Variants in CLEC2L observed in about 807,000 individuals in gnomAD.
The protein encoded by CLEC2L is C-type lectin domain family 2, member L.
A neutral mutation model predicts 23.6 loss-of-function variants in CLEC2L; 14 were observed. The observed-to-expected ratio is 0.59, with a 90% CI of 0.39 to 0.93. The LOEUF (loss-of-function observed/expected upper bound fraction) is 0.93, where lower values mean the gene tolerates loss of function less well. CLEC2L is among the 40% of genes least tolerant of loss of function. The pLI, the probability that CLEC2L is intolerant of heterozygous loss-of-function variation, is 0.00. For synonymous variants in CLEC2L, 114 were observed against 121.3 expected (o/e 0.94, Z 0.40); for missense variants, 264 against 282.4 (o/e 0.93, Z 0.47).
In CLEC2L at chr7:139,544,789, C is replaced by G. The variant is rs1341951172; in HGVS notation, c.*447C>G. On this transcript the variant is annotated 3_prime_UTR_variant, in exon 5 of 5. Transcript: ENST00000422142. ...TTCACCCAGCAGCCCCGCTTCCCCA[C>G]TGGTTTCTCTCCTGGCTGCCGGCGG... The G allele has an allele frequency of 6.5e-6, 1 of 153,210 alleles. No homozygotes were observed. The highest frequency in any genetic ancestry group is 1.5e-5 in the Non-Finnish European group (1 of 68,814). 9.5% of individuals were successfully genotyped at this position (153,210 alleles called of 1,614,324 possible). A position where few individuals can be genotyped will look rare whatever the true frequency, so the allele number is the denominator to read the frequency against.
chr7:139,525,000 C>G (rs1797486234), intron 1 of CLEC2L, among the ~76,000 whole-genome samples: 1 of 152,152 alleles, frequency 6.6e-6, no homozygotes, highest in Non-Finnish European at 1.5e-5. Context: ...GAAGGTGTTC[C>G]AGACCCAGAG....
chr7:139,525,021 C>G (rs12665981), intron 1 of CLEC2L, among the ~76,000 whole-genome samples: 1 of 151,928 alleles, frequency 6.6e-6, no homozygotes, highest in Non-Finnish European at 1.5e-5. Flanking sequence ...CATGACGTAT[C>G]CCAGGCCAGG....
rs778290481 is a variant in CLEC2L at position 139,540,328 on chromosome 7, G to C, written c.273G>C (p.Lys91Asn). ...ILVVMSILAS[K>N]GCIKCEAPCP... is the part of the protein sequence containing the mutation. ...CTGGTCTCTTCCCTGCAGCTTCCAA[G>C]GGCTGCATCAAGTGCGAAGCGCCCT... The change falls in exon 3 of 5, where the codon AAG (lysine) becomes AAC (asparagine). Residue 91 changes from lysine to asparagine, a missense_variant. Transcript: ENST00000422142. This position sits in a 1 kb window ranked among gnomAD's most constrained non-coding sequence, Gnocchi z 5.8. 96 of 1,609,126 alleles carry C rather than the reference G, an allele frequency of 6.0e-5. No homozygotes were observed. The highest frequency in any genetic ancestry group is 8.1e-5 in the Non-Finnish European group (95 of 1,178,346).
intron 1 of CLEC2L, among the ~76,000 whole-genome samples, chr7:139,535,788 C>T (rs140644217): frequency 1.1e-4 from 16 of 152,106 alleles, no homozygotes; most frequent in South Asian, 4.1e-4. Flanking sequence ...GAGGGCTGAA[C>T]GGGTTATTTT....
chr7:139,534,377 C>A (rs929077397), intron 1 of CLEC2L: 1 of 932,400 alleles, frequency 1.1e-6, no homozygotes, highest in Non-Finnish European at 1.8e-6. Context: ...TGAATCCCAA[C>A]AGTCCCTCTA....
intron 1 of CLEC2L, among the ~76,000 whole-genome samples, chr7:139,530,060 T>A (rs1473687459): frequency 6.7e-6 from 1 of 150,294 alleles, no homozygotes; most frequent in Non-Finnish European, 1.5e-5. Context: ...GGCACGTGCC[T>A]CTAATCCCAG....
Position 139,539,827 on chromosome 7 carries a change from C to T in CLEC2L, c.266-494C>T, listed in dbSNP as rs976719898. On this transcript the variant is annotated intron_variant, in intron 2 of 4. Coordinates refer to ENST00000422142, the MANE Select transcript of CLEC2L (RefSeq NM_001080511.4). The surrounding 1 kb of genome is among the most constrained non-coding windows in gnomAD (Gnocchi z 4.1). Reference sequence around the variant, plus strand: ...CACAGGGGGACAGGTTGGGACTCAACATTTAAGAACTTTCCATGCACACTG... The same window carrying T: ...CACAGGGGGACAGGTTGGGACTCAATATTTAAGAACTTTCCATGCACACTG... The T allele has an allele frequency of 6.0e-6, 1 of 166,754 alleles. No homozygotes were observed. The highest frequency in any genetic ancestry group is 2.4e-5 in the African/African-American group (1 of 41,516). The allele number at this position is 166,754 out of a possible 1,614,324, so 10.3% of individuals were successfully genotyped here.
Position 139,524,113 on chromosome 7 carries a change from G to T in CLEC2L, c.186G>T (p.Leu62Phe). ...GCAGCACCAGCTGGAAGGCGGCCTTGGAGGGTAAGCGCGGAGCGGCCTCCC... is the reference window on the plus strand; with the variant it reads ...GCAGCACCAGCTGGAAGGCGGCCTTTGAGGGTAAGCGCGGAGCGGCCTCCC... ...YEGSTSWKAALEDTTTRLLLG... is the reference protein window; with the variant it reads ...YEGSTSWKAAFEDTTTRLLLG... The change falls in exon 1 of 5, where the codon TTG (leucine) becomes TTT (phenylalanine). Residue 62 changes from leucine (L) to phenylalanine (F), a missense_variant. Leu to Phe is a conservative substitution (Grantham distance 22). Coordinates refer to ENST00000422142, the MANE Select transcript of CLEC2L (RefSeq NM_001080511.4). The T allele has an allele frequency of 8.1e-7, 1 of 1,227,486 alleles. No individual in the cohort carries two copies. The allele number at this position is 1,227,486 out of a possible 1,614,324, so 76.0% of individuals were successfully genotyped here. A position where few individuals can be genotyped will look rare whatever the true frequency, so the allele number is the denominator to read the frequency against.
At position 139,540,750 on chromosome 7, in the gene CLEC2L, A is replaced by G. The variant is rs867590085; in HGVS notation, c.432+263A>G. 7.9e-5 allele frequency among the ~76,000 whole-genome samples: 12 copies of G among 152,242 alleles called. No individual in the cohort carries two copies. Among genetic ancestry groups the G allele is most frequent in the South Asian group, 4.2e-4 (2 of 4,816 alleles). ...TGGTTGAGGTCACTTAGTATTATAA[A>G]CCAGAAGAATTACACATTATAAAGC... is the stretch of plus-strand genomic sequence containing the variant. On this transcript the variant is annotated intron_variant, in intron 3 of 4. Transcript: ENST00000422142. This position sits in a 1 kb window ranked among gnomAD's most constrained non-coding sequence, Gnocchi z 5.8.
chr7:139,538,400 C>G (rs1797688093), intron 2 of CLEC2L, among the ~76,000 whole-genome samples: 1 of 149,618 alleles, frequency 6.7e-6, no homozygotes, highest in South Asian at 2.1e-4. Context: ...GCCACGCACT[C>G]CAGCCTGAGT....
At chr7:139,538,444 C>CA (rs1170543676) in intron 2 of CLEC2L, among the ~76,000 whole-genome samples, 7 of 135,506 alleles carry the variant, frequency 5.2e-5, no homozygotes, top group South Asian at 2.3e-4. Context: ...AAAAAAAAAA[C>CA]AAAAAACAAA....
At chr7:139,542,170 C>A in intron 4 of CLEC2L, 49 bp downstream of exon 4, 1 of 1,271,946 alleles carries the variant, frequency 7.9e-7, no homozygotes, top group South Asian at 1.3e-5. Flanking sequence ...CTGAGAAAGG[C>A]CTGACTCACC....
rs553916675 is a variant in CLEC2L at position 139,523,986 on chromosome 7, G to C, written c.59G>C (p.Arg20Pro). The C allele has an allele frequency of 1.0e-6, 1 of 990,596 alleles. No individual in the cohort carries two copies. The allele number at this position is 990,596 out of a possible 1,614,324, so 61.4% of individuals were successfully genotyped here. Residue 20 changes from arginine to proline, a missense_variant, in exon 1 of 5, where the codon CGC (arginine) becomes CCC (proline). Coordinates refer to ENST00000422142, the MANE Select transcript of CLEC2L (RefSeq NM_001080511.4). This position sits in a 1 kb window ranked among gnomAD's most constrained non-coding sequence, Gnocchi z 4.1. ...RARPPPPLAA[R>P]PAPAPAAPRP... ...CGGCCGCCGCCGCCCCTCGCCGCGC[G>C]CCCCGCGCCCGCCCCCGCCGCCCCC... is the stretch of plus-strand genomic sequence containing the variant.
At chr7:139,530,373 C>T (rs1431289085) in intron 1 of CLEC2L, among the ~76,000 whole-genome samples, 1 of 152,140 alleles carries the variant, frequency 6.6e-6, no homozygotes, top group African/African-American at 2.4e-5. Context: ...GGGAGGACCT[C>T]TAAGGCTCAG....
chr7:139,524,489 T>A (rs1797478079), intron 1 of CLEC2L, among the ~76,000 whole-genome samples: 1 of 152,008 alleles, frequency 6.6e-6, no homozygotes, highest in Non-Finnish European at 1.5e-5. Context: ...GTGAACACGC[T>A]TCGAGTAAAG....
chr7:139,526,660 C>T (rs1161889467), intron 1 of CLEC2L, among the ~76,000 whole-genome samples: 1 of 152,296 alleles, frequency 6.6e-6, no homozygotes, highest in South Asian at 2.1e-4. Context: ...CACAGGCTGG[C>T]GGGCTTTCCA....
At chr7:139,534,930 A>G (rs948975740) in intron 1 of CLEC2L, among the ~76,000 whole-genome samples, 1 of 151,518 alleles carries the variant, frequency 6.6e-6, no homozygotes, top group African/African-American at 2.4e-5. Flanking sequence ...TCAAGATAAA[A>G]TTTTGGTAAA....
rs554214130 is a variant in CLEC2L, at chr7:139,540,344, G to C, written c.289G>C (p.Glu97Gln). Residue 97 changes from glutamate to glutamine, a missense_variant, in exon 3 of 5, where the codon GAA (glutamate) becomes CAA (glutamine). Coordinates refer to ENST00000422142, the MANE Select transcript of CLEC2L (RefSeq NM_001080511.4). This position sits in a 1 kb window ranked among gnomAD's most constrained non-coding sequence, Gnocchi z 5.8. ...ILASKGCIKC[E>Q]APCPEDWLLY... is the part of the protein sequence containing the mutation. ...AGCTTCCAAGGGCTGCATCAAGTGC[G>C]AAGCGCCCTGCCCGGAGGACTGGCT... is the stretch of plus-strand genomic sequence containing the variant. The C allele has an allele frequency of 1.1e-5, 17 of 1,611,146 alleles. No homozygotes were observed. The South Asian group carries it at 1.9e-4, about 18-fold the overall frequency.
At chr7:139,531,608 T>A (rs1797583111) in intron 1 of CLEC2L, among the ~76,000 whole-genome samples, 4 of 152,092 alleles carry the variant, frequency 2.6e-5, no homozygotes, top group Admixed American at 2.6e-4. Flanking sequence ...ATCAATAATA[T>A]AATTAAAGAA....
Sources: gnomAD v4.1 joint callset for allele counts (sites outside exome capture counted in the v4.1 genomes callset) on GRCh38, gnomAD v4.1.1 for gene constraint, Gnocchi (gnomAD v3.1) non-coding constraint, MANE v1.5 for transcripts, NCBI Gene and HGNC (gene_info 2026-07-23, HGNC 2026-07-21) for gene names.